The following TMEM217 variants were observed in gnomAD, a reference collection of about 807,000 sequenced individuals.
The protein encoded by TMEM217 is transmembrane protein 217.
For missense variants in TMEM217, 204 were observed against 248.8 expected (o/e 0.82, Z 1.21); for synonymous variants, 76 against 88.3 (o/e 0.86, Z 0.78).
At chr6:37,236,662 A>AT (rs66485671) in intron 1 of TMEM217, among the ~76,000 whole-genome samples, 124,177 of 149,806 alleles carry the variant, frequency 0.83, 51,816 homozygotes, top group South Asian at 0.9. Flanking sequence ...TGCCAGTACT[A>AT]TTTTTTTTTT....
At chr6:37,246,372 C>A (rs373425852) in intron 1 of TMEM217, among the ~76,000 whole-genome samples, 1 of 152,312 alleles carries the variant, frequency 6.6e-6, no homozygotes, top group East Asian at 1.9e-4. Flanking sequence ...CTCCCCAGGG[C>A]ATGCTCTTCT....
chr6:37,257,312 C>T (rs1167350190), intron 1 of TMEM217, among the ~76,000 whole-genome samples: 1 of 152,184 alleles, frequency 6.6e-6, no homozygotes, highest in East Asian at 1.9e-4. Flanking sequence ...TATCGGGTCC[C>T]TGCTGACCTT....
chr6:37,235,677 T>C (rs926217189), intron 1 of TMEM217, among the ~76,000 whole-genome samples: 3 of 152,106 alleles, frequency 2.0e-5, no homozygotes, highest in Middle Eastern at 3.2e-3. Context: ...AATGTATTTC[T>C]TATGGTTCTG....
intron 1 of TMEM217, among the ~76,000 whole-genome samples, chr6:37,246,093 C>T (rs1318963208): frequency 2.6e-5 from 4 of 152,118 alleles, no homozygotes; most frequent in South Asian, 2.1e-4. Flanking sequence ...TGAGCCACTG[C>T]GCCCGGCCAA....
Position 37,253,745 on chromosome 6 carries a change from G to A in TMEM217, c.-12+3823C>T, listed in dbSNP as rs981655245. On this transcript the variant is annotated intron_variant, in intron 1 of 1. Coordinates refer to ENST00000357219, the Ensembl canonical transcript of TMEM217. ...CAGGGATCTCTCTGTAAGTCCAAAG[G>A]CTTTTTTCTCTATTTTTATCTTCCC... Among the ~76,000 whole-genome samples the A allele has an allele frequency of 5.3e-5, 8 of 152,070 alleles. No homozygotes were observed. In the South Asian group the frequency reaches 6.2e-4, roughly 12 times the overall value.
intron 1 of TMEM217, among the ~76,000 whole-genome samples, chr6:37,245,620 G>A (rs953799954): frequency 1.3e-5 from 2 of 152,152 alleles, no homozygotes; most frequent in Admixed American, 1.3e-4. Flanking sequence ...TTCTCCGTAT[G>A]TGGGAAAGGG....
rs61372547 is a variant in TMEM217, at chr6:37,246,902, CAA to C, written c.-12+10664_-12+10665del. ...TGGGCAACAGAGCAAGACTCTGTCT[CAA>C]AAAAAAAAAAAAAATTCTCAGAAGA... On this transcript the variant is annotated intron_variant, in intron 1 of 1. Transcript: ENST00000357219. Among the ~76,000 whole-genome samples, 1,261 of 141,864 alleles carry C rather than the reference CAA, an allele frequency of 8.9e-3. 5 individuals carry two copies. Among genetic ancestry groups the C allele is most frequent in the South Asian group, 0.011 (48 of 4,358 alleles). The allele number at this position is 141,864 out of a possible 152,430, so 93.1% of individuals were successfully genotyped here.
chr6:37,216,677 T>C (rs764186177), downstream of TMEM217, among the ~76,000 whole-genome samples: 6 of 152,138 alleles, frequency 3.9e-5, no homozygotes, highest in Non-Finnish European at 7.3e-5. Context: ...TGGTGAGTGC[T>C]GTGGTTTGAC....
intron 1 of TMEM217, among the ~76,000 whole-genome samples, chr6:37,234,435 C>T (rs967393211): frequency 6.6e-6 from 1 of 152,196 alleles, no homozygotes; most frequent in Admixed American, 6.5e-5. Context: ...ATATTTTCAA[C>T]TTATGGGTTT....
intron 1 of TMEM217, among the ~76,000 whole-genome samples, chr6:37,251,710 C>T (rs971622819): frequency 2.6e-5 from 4 of 152,004 alleles, no homozygotes; most frequent in Admixed American, 6.6e-5. Flanking sequence ...ACTGGAGAGA[C>T]GGAGGGGAAT....
chr6:37,246,504 C>T (rs1765091090), intron 1 of TMEM217, among the ~76,000 whole-genome samples: 1 of 152,164 alleles, frequency 6.6e-6, no homozygotes, highest in Non-Finnish European at 1.5e-5. Context: ...TCATGCACTG[C>T]AAGAGGGAGT....
intron 1 of TMEM217, among the ~76,000 whole-genome samples, chr6:37,226,722 C>T (rs1247425432): frequency 6.6e-6 from 1 of 152,090 alleles, no homozygotes; most frequent in Admixed American, 6.6e-5. Context: ...CAACCACACC[C>T]AGCTAATTTT....
At chr6:37,258,059 A>G in exon 1 of TMEM217, 4 of 1,479,130 alleles carry the variant, frequency 2.7e-6, no homozygotes, top group Non-Finnish European at 3.7e-6. Flanking sequence ...CTGGGGCGCC[A>G]CAGAGGCCAG....
intron 1 of TMEM217, among the ~76,000 whole-genome samples, chr6:37,229,743 C>T (rs1764088702): frequency 6.6e-6 from 1 of 152,192 alleles, no homozygotes; most frequent in Admixed American, 6.5e-5. Context: ...TAGTACTTCT[C>T]CTTAATGTGC....
At chr6:37,253,897 C>A (rs12190959) in intron 1 of TMEM217, among the ~76,000 whole-genome samples, 1 of 152,040 alleles carries the variant, frequency 6.6e-6, no homozygotes, top group African/African-American at 2.4e-5. Context: ...ATATGCCTAC[C>A]TCTTTTGAGT....
intron 1 of TMEM217, among the ~76,000 whole-genome samples, chr6:37,231,401 G>A (rs551085433): frequency 1.3e-5 from 2 of 150,776 alleles, no homozygotes; most frequent in African/African-American, 4.9e-5. Context: ...CAGGCTGGGC[G>A]CGGTGGCTCA....
chr6:37,222,456 C>G (rs1209126843), intron 1 of TMEM217, among the ~76,000 whole-genome samples: 1 of 152,200 alleles, frequency 6.6e-6, no homozygotes, highest in African/African-American at 2.4e-5. Flanking sequence ...CTCCTGGGGT[C>G]CCCGAGGGTG....
chr6:37,245,418 G>GCTGCTT (rs1234781257), intron 1 of TMEM217, among the ~76,000 whole-genome samples: 1 of 152,250 alleles, frequency 6.6e-6, no homozygotes, highest in Non-Finnish European at 1.5e-5. Flanking sequence ...TGGATTCTGT[G>GCTGCTT]CTGCTTCTGC....
intron 1 of TMEM217, among the ~76,000 whole-genome samples, chr6:37,241,795 A>G (rs1264587741): frequency 6.6e-6 from 1 of 152,192 alleles, no homozygotes; most frequent in Non-Finnish European, 1.5e-5. Flanking sequence ...TTTCTTATTT[A>G]AAACTCCATT....
Sources: allele counts gnomAD v4.1 joint callset (sites outside exome capture counted in the v4.1 genomes callset), GRCh38; gene constraint gnomAD v4.1.1; transcripts MANE v1.5; gene names NCBI Gene and HGNC (gene_info 2026-07-23, HGNC 2026-07-21).